Variants in SEMA6D observed in about 807,000 individuals in gnomAD.
SEMA6D encodes semaphorin 6D.
In SEMA6D, 35 loss-of-function variants were observed where a neutral mutation model predicts 106.6. That is an observed-to-expected ratio of 0.33 (90% CI 0.25 to 0.44). The LOEUF (loss-of-function observed/expected upper bound fraction) is 0.44, where lower values mean the gene tolerates loss of function less well. Ranked by LOEUF, SEMA6D falls within the 20% of genes least tolerant of loss-of-function variation. The pLI is 1.00. For missense variants in SEMA6D, 1,185 were observed against 1,345.9 expected, an observed-to-expected ratio of 0.88 and a Z score of 1.87; for synonymous variants, 499 against 487.7, an observed-to-expected ratio of 1.02 and a Z score of -0.31.
At chr15:47,192,528 A>G (rs1894032711) in intron 1 of SEMA6D, among the ~76,000 whole-genome samples, 1 of 152,360 alleles carries the variant, frequency 6.6e-6, no homozygotes, top group African/African-American at 2.4e-5. Flanking sequence ...ATTAGAAACA[A>G]TACATCTGCC....
At chr15:47,328,692 C>A (rs919030371) in intron 1 of SEMA6D, among the ~76,000 whole-genome samples, 1 of 152,186 alleles carries the variant, frequency 6.6e-6, no homozygotes, top group Non-Finnish European at 1.5e-5. Flanking sequence ...TCTCCTACCA[C>A]AATAAGCTCT....
chr15:47,430,988 A>G (rs1373790805), intron 2 of SEMA6D, among the ~76,000 whole-genome samples: 1 of 152,168 alleles, frequency 6.6e-6, no homozygotes. Flanking sequence ...CCCCTGGATC[A>G]TAGATGGTGG....
intron 1 of SEMA6D, among the ~76,000 whole-genome samples, chr15:47,366,219 T>C (rs1393588111): frequency 6.6e-6 from 1 of 152,260 alleles, no homozygotes; most frequent in Non-Finnish European, 1.5e-5. Flanking sequence ...TATGCGTCCC[T>C]ATTGGTAAAT....
intron 4 of SEMA6D, among the ~76,000 whole-genome samples, chr15:47,639,756 A>G (rs1040368727): frequency 4.6e-5 from 7 of 152,188 alleles, no homozygotes; most frequent in Non-Finnish European, 8.8e-5. Context: ...TAGTCTTATC[A>G]TGAGAAAAAC....
chr15:47,512,099 G>C (rs1596201025), intron 3 of SEMA6D, among the ~76,000 whole-genome samples: 2 of 152,284 alleles, frequency 1.3e-5, no homozygotes, highest in African/African-American at 4.8e-5. Context: ...CGTAAATGCT[G>C]ATACCAATAC....
At chr15:47,642,949 AGAGATGAAGATG>A (rs1397502534) in intron 4 of SEMA6D, among the ~76,000 whole-genome samples, 1 of 152,056 alleles carries the variant, frequency 6.6e-6, no homozygotes, top group African/African-American at 2.4e-5. Context: ...AGAGTAAGAT[AGAGATGAAGATG>A]GAGATGGAGA....
At chr15:47,417,796 TTTTTC>T (rs2041023225) in intron 2 of SEMA6D, among the ~76,000 whole-genome samples, 1 of 152,178 alleles carries the variant, frequency 6.6e-6, no homozygotes, top group African/African-American at 2.4e-5. Context: ...CACTTTTTGT[TTTTTC>T]TTTTCCTAAT....
intron 4 of SEMA6D, among the ~76,000 whole-genome samples, chr15:47,650,200 A>G (rs951870970): frequency 6.6e-6 from 1 of 152,202 alleles, no homozygotes; most frequent in Non-Finnish European, 1.5e-5. Flanking sequence ...TGCAGGATTC[A>G]GTAGACCCAT....
intron 3 of SEMA6D, among the ~76,000 whole-genome samples, chr15:47,576,696 C>T (rs2076161561): frequency 6.6e-6 from 1 of 152,182 alleles, no homozygotes; most frequent in African/African-American, 2.4e-5. Flanking sequence ...AATATTTACT[C>T]CTTGGACCCG....
intron 4 of SEMA6D, among the ~76,000 whole-genome samples, chr15:47,659,184 A>T (rs916136255): frequency 2.0e-5 from 3 of 152,032 alleles, no homozygotes; most frequent in African/African-American, 7.2e-5. Context: ...AAATAATGTG[A>T]TATATCACTC....
intron 3 of SEMA6D, among the ~76,000 whole-genome samples, chr15:47,520,810 G>C (rs1161902912): frequency 6.6e-6 from 1 of 152,218 alleles, no homozygotes; most frequent in Non-Finnish European, 1.5e-5. Context: ...CCCCAGCAAA[G>C]AGGAAGGGAG....
At chr15:47,276,157 C>T (rs1043736514) in intron 1 of SEMA6D, among the ~76,000 whole-genome samples, 1 of 152,042 alleles carries the variant, frequency 6.6e-6, no homozygotes, top group Non-Finnish European at 1.5e-5. Flanking sequence ...ATTAAAGAAC[C>T]TCTGTAACAT....
chr15:47,717,860 G>A (rs1317280288), intron 1 of SEMA6D, among the ~76,000 whole-genome samples, 168 bp downstream of exon 1: 1 of 146,902 alleles, frequency 6.8e-6, no homozygotes, highest in East Asian at 2.0e-4. Context: ...GTGTGTGTGT[G>A]TGTGTGTGTG....
At chr15:47,355,243 C>T (rs931914862) in intron 1 of SEMA6D, among the ~76,000 whole-genome samples, 6 of 152,080 alleles carry the variant, frequency 3.9e-5, no homozygotes, top group Non-Finnish European at 7.4e-5. Flanking sequence ...CAGTTAAATA[C>T]AGATAAGAGG....
At chr15:47,433,865 A>G (rs1210786630) in intron 2 of SEMA6D, among the ~76,000 whole-genome samples, 1 of 152,206 alleles carries the variant, frequency 6.6e-6, no homozygotes, top group East Asian at 1.9e-4. Flanking sequence ...AGAGATTAAG[A>G]TAAAGAAATA....
chr15:47,681,708 C>T (rs1596616453), intron 4 of SEMA6D, among the ~76,000 whole-genome samples: 1 of 152,168 alleles, frequency 6.6e-6, no homozygotes, highest in African/African-American at 2.4e-5. Flanking sequence ...TAATAATTAA[C>T]CTCTCCAGTC....
intron 1 of SEMA6D, among the ~76,000 whole-genome samples, chr15:47,365,988 G>GT (rs2039014891): frequency 6.6e-6 from 1 of 151,552 alleles, no homozygotes; most frequent in African/African-American, 2.4e-5. Flanking sequence ...AACCTACCAC[G>GT]TTTTTTTCCA....
At chr15:47,348,721 C>CAGAGAGAGAG (rs1313096616) in intron 1 of SEMA6D, among the ~76,000 whole-genome samples, 5 of 24,630 alleles carry the variant, frequency 2.0e-4, no homozygotes, top group African/African-American at 4.9e-4. Flanking sequence ...ACACACACCA[C>CAGAGAGAGAG]ACACACAGAG....
intron 1 of SEMA6D, among the ~76,000 whole-genome samples, chr15:47,751,724 A>C (rs1300435115): frequency 3.9e-5 from 6 of 152,186 alleles, no homozygotes; most frequent in Non-Finnish European, 7.4e-5. Flanking sequence ...CCTTGCGCTA[A>C]GAGATTCAGC....
Sources: gnomAD v4.1 joint callset for allele counts (sites outside exome capture counted in the v4.1 genomes callset) on GRCh38, gnomAD v4.1.1 for gene constraint, MANE v1.5 for transcripts, NCBI Gene and HGNC (gene_info 2026-07-23, HGNC 2026-07-21) for gene names.